MYH11: variants seen among roughly 807,000 people sequenced by gnomAD.
The protein encoded by MYH11 is myosin-11.
MYH11 carries 80 observed loss-of-function variants against 246.6 expected under a neutral mutation model. The ratio of observed to expected loss-of-function variants is 0.32; its 90% confidence interval spans 0.27 to 0.39. The LOEUF (loss-of-function observed/expected upper bound fraction) is 0.39, where lower values mean the gene tolerates loss of function less well. Ranked by LOEUF, MYH11 falls within the 10% of genes least tolerant of loss-of-function variation. The pLI, the probability that MYH11 is intolerant of heterozygous loss-of-function variation, is 1.00. For missense variants in MYH11, 2,158 were observed against 2,546.8 expected (o/e 0.85, Z 3.29); for synonymous variants, 1,071 against 1,015.5 (o/e 1.05, Z -1.04).
In MYH11 at chr16:15,837,956, G is replaced by C. The variant is rs1185332834; in HGVS notation, c.297C>G (p.Ala99=). ...GCTCCCTCAGGTTGTGTAGCACGGA[G>C]GCTTCGTTGAGGCACGTCAGCTCCG... is the stretch of plus-strand genomic sequence containing the variant. The part of the protein sequence containing the change: ...DMAELTCLNE[A]SVLHNLRERY... The change falls in exon 2 of 41, where the codon GCC becomes GCG. Residue 99 remains alanine, a synonymous_variant. Coordinates refer to ENST00000300036, the MANE Select transcript of MYH11 (RefSeq NM_002474.3). 6.2e-7 allele frequency: 1 copy of C among 1,614,020 alleles called. No individual in the cohort carries two copies. Among genetic ancestry groups the C allele is most frequent in the East Asian group, 2.2e-5 (1 of 44,892 alleles).
chr16:15,716,984 A>T (rs2040185956), intron 38 of MYH11, among the ~76,000 whole-genome samples, 156 bp downstream of exon 38: 1 of 152,212 alleles, frequency 6.6e-6, no homozygotes, highest in Non-Finnish European at 1.5e-5. Context: ...TGCTGTGTTT[A>T]CGTTCAGTTC....
intron 15 of MYH11, among the ~76,000 whole-genome samples, chr16:15,752,651 G>A (rs1193107282): frequency 6.6e-6 from 1 of 152,214 alleles, no homozygotes; most frequent in Non-Finnish European, 1.5e-5. Context: ...GGCTGAGGTG[G>A]GCGGATCACC....
At chr16:15,828,842 AAGAGAGATG>A (rs372870922) in intron 2 of MYH11, among the ~76,000 whole-genome samples, 1 of 116,728 alleles carries the variant, frequency 8.6e-6, no homozygotes, top group Non-Finnish European at 1.6e-5. Flanking sequence ...GAAAGGAAGA[AAGAGAGATG>A]AGAGATAGAG....
intron 33 of MYH11, 83 bp from the exon 34 acceptor site, chr16:15,720,395 C>T: frequency 6.6e-7 from 1 of 1,522,518 alleles, no homozygotes; most frequent in East Asian, 2.4e-5. Flanking sequence ...TCACTGCACC[C>T]CTTCCCCAGC....
chr16:15,832,546 T>C (rs1227100050), intron 2 of MYH11, among the ~76,000 whole-genome samples: 1 of 152,232 alleles, frequency 6.6e-6, no homozygotes, highest in Admixed American at 6.5e-5. Flanking sequence ...TGTCAGGTCC[T>C]CTGCTTTTTC....
At position 15,842,672 on chromosome 16, in the gene MYH11, G is replaced by A. The variant is rs556592810; in HGVS notation, c.-17-4403C>T. On this transcript the variant is annotated intron_variant, in intron 1 of 40. Coordinates refer to ENST00000300036, the MANE Select transcript of MYH11 (RefSeq NM_002474.3). ...CTAGCTACTCGGGAGGCTGAGGCACGAGAATTGCTTGAACCCAGGAAGCAG... is the reference window on the plus strand; with the variant it reads ...CTAGCTACTCGGGAGGCTGAGGCACAAGAATTGCTTGAACCCAGGAAGCAG... 2.7e-5 allele frequency among the ~76,000 whole-genome samples: 4 copies of A among 145,900 alleles called. No homozygotes were observed. The East Asian group carries it at 6.3e-4, about 23-fold the overall frequency.
intron 3 of MYH11, among the ~76,000 whole-genome samples, chr16:15,818,810 G>A (rs1045381203): frequency 6.6e-6 from 1 of 152,210 alleles, no homozygotes; most frequent in Admixed American, 6.5e-5. Flanking sequence ...CGAGGGCATA[G>A]CAGGTGTTGG....
intron 40 of MYH11, among the ~76,000 whole-genome samples, chr16:15,705,873 C>T (rs898277795): frequency 5.4e-5 from 8 of 148,898 alleles, no homozygotes; most frequent in South Asian, 2.1e-4. Flanking sequence ...CCCAGCTACT[C>T]GGGAGGGAGG....
At chr16:15,813,865 T>G (rs114699751) in intron 3 of MYH11, among the ~76,000 whole-genome samples, 3,618 of 140,212 alleles carry the variant, frequency 0.026, 120 homozygotes, top group Admixed American at 0.11. Context: ...AAAAAAAAAG[T>G]GTAAAAAGGC....
At chr16:15,744,857 T>C (rs1246574808) in intron 20 of MYH11, among the ~76,000 whole-genome samples, 1 of 152,228 alleles carries the variant, frequency 6.6e-6, no homozygotes, top group African/African-American at 2.4e-5. Context: ...TTTCCATGGC[T>C]ACGGAGGAAG....
intron 28 of MYH11, chr16:15,725,939 A>G (rs2040731590): frequency 2.8e-6 from 1 of 361,804 alleles, no homozygotes; most frequent in Admixed American, 4.7e-5. Flanking sequence ...TCCCCCTCCA[A>G]CCCCACTCTG....
At chr16:15,856,652 C>T (rs1490078328) in intron 1 of MYH11, among the ~76,000 whole-genome samples, 4 of 151,260 alleles carry the variant, frequency 2.6e-5, no homozygotes, top group African/African-American at 9.7e-5. Context: ...TCTGGGGATT[C>T]TAGAGTTGGG....
At chr16:15,761,463 T>C (rs115224704) in intron 10 of MYH11, among the ~76,000 whole-genome samples, 2,232 of 152,348 alleles carry the variant, frequency 0.015, 54 homozygotes, top group African/African-American at 0.051. Context: ...AATAGTAACA[T>C]TTATTGAACA....
rs1388279286 is a variant in MYH11 at position 15,718,405 on chromosome 16, C to T, written c.5205G>A (p.Glu1735=). The change falls in exon 37 of 41, where the codon GAG becomes GAA. Residue 1735 remains glutamate (E), a synonymous_variant. Transcript: ENST00000300036. ...NALQDEKRRL[E]ARIAQLEEEL... ...CCTCCTCCAGCTGGGCGATCCGGGCCTCCAGGCGGCGCTTCTCGTCCTGGA... is the reference window on the plus strand; with the variant it reads ...CCTCCTCCAGCTGGGCGATCCGGGCTTCCAGGCGGCGCTTCTCGTCCTGGA... The T allele has an allele frequency of 3.8e-6, 6 of 1,591,004 alleles. No homozygotes were observed. The highest frequency in any genetic ancestry group is 3.4e-5 in the Admixed American group (2 of 58,570).
chr16:15,791,476 G>A (rs994361250), intron 4 of MYH11: 1 of 152,080 alleles, frequency 6.6e-6, no homozygotes. Flanking sequence ...AAAACCCCAG[G>A]CAGAAGCAAC....
intron 6 of MYH11, chr16:15,779,160 GCT>G: frequency 2.3e-6 from 1 of 433,398 alleles, no homozygotes; most frequent in Non-Finnish European, 4.3e-6. Flanking sequence ...ACAAGGTTTT[GCT>G]CTGTCAGCGA....
intron 27 of MYH11, among the ~76,000 whole-genome samples, chr16:15,729,696 G>A (rs924235591): frequency 4.6e-5 from 7 of 151,868 alleles, no homozygotes; most frequent in African/African-American, 1.7e-4. Context: ...GATTACAGGC[G>A]ACCGCCACCA....
At chr16:15,825,954 C>A (rs569198907) in intron 2 of MYH11, among the ~76,000 whole-genome samples, 1 of 152,180 alleles carries the variant, frequency 6.6e-6, no homozygotes, top group South Asian at 2.1e-4. Flanking sequence ...TTAGGGAGAA[C>A]CACAGATCCA....
chr16:15,801,483 C>T (rs1209323131), intron 3 of MYH11, among the ~76,000 whole-genome samples: 2 of 151,506 alleles, frequency 1.3e-5, no homozygotes, highest in African/African-American at 4.9e-5. Context: ...TAGCAAGACC[C>T]AGTCTCTACA....
Sources: gnomAD v4.1 joint callset for allele counts (sites outside exome capture counted in the v4.1 genomes callset) on GRCh38, gnomAD v4.1.1 for gene constraint, MANE v1.5 for transcripts, NCBI Gene and HGNC (gene_info 2026-07-23, HGNC 2026-07-21) for gene names.